Variants in ARB2A observed in about 807,000 individuals in gnomAD.
ARB2A encodes ARB2 cotranscriptional regulator A.
At chr5:93,929,700 T>G in the ARB2A span, among the ~76,000 whole-genome samples, 1 of 152,110 alleles carries the variant, frequency 6.6e-6, no homozygotes, top group African/African-American at 2.4e-5. Context: ...AGAAATAAAC[T>G]CTTTTAGGTA....
At chr5:94,073,313 A>G in the ARB2A span, among the ~76,000 whole-genome samples, 1 of 152,098 alleles carries the variant, frequency 6.6e-6, no homozygotes, top group African/African-American at 2.4e-5. Flanking sequence ...CAGCATTATT[A>G]TTCCTATAGT....
the ARB2A span, among the ~76,000 whole-genome samples, chr5:94,109,507 AAC>A: frequency 5.9e-5 from 9 of 152,356 alleles, no homozygotes; most frequent in African/African-American, 2.2e-4. Flanking sequence ...AGAGCACAGA[AAC>A]ATCTCTACAT....
the ARB2A span, among the ~76,000 whole-genome samples, chr5:93,669,485 AT>A: frequency 0.17 from 26,253 of 152,150 alleles, 2,645 homozygotes; most frequent in African/African-American, 0.25. Flanking sequence ...TTACTCAGCC[AT>A]TTAAAAAAAG....
chr5:94,099,778 T>C, the ARB2A span, among the ~76,000 whole-genome samples: 2 of 151,990 alleles, frequency 1.3e-5, no homozygotes, highest in East Asian at 3.9e-4. Flanking sequence ...AAACTAGGTA[T>C]TGAAGGAACA....
the ARB2A span, among the ~76,000 whole-genome samples, chr5:93,931,371 A>C: frequency 1.3e-5 from 2 of 152,090 alleles, no homozygotes; most frequent in South Asian, 4.1e-4. Flanking sequence ...GGCTAAGGCA[A>C]GAAAATCACT....
the ARB2A span, among the ~76,000 whole-genome samples, chr5:93,687,985 T>C: frequency 6.6e-6 from 1 of 152,032 alleles, no homozygotes; most frequent in African/African-American, 2.4e-5. Flanking sequence ...CTTTTTTTTT[T>C]TTCTTTGAGA....
chr5:94,031,863 A>G, the ARB2A span, among the ~76,000 whole-genome samples: 1 of 152,216 alleles, frequency 6.6e-6, no homozygotes, highest in African/African-American at 2.4e-5. Context: ...AGTACAAGCC[A>G]TAAACCTTTG....
chr5:93,892,963 T>C, the ARB2A span, among the ~76,000 whole-genome samples: 49 of 152,174 alleles, frequency 3.2e-4, no homozygotes, highest in Admixed American at 3.1e-3. Flanking sequence ...TTAAAAAATA[T>C]GGTTTTAATC....
At chr5:93,865,933 C>T in the ARB2A span, 1 of 985,382 alleles carries the variant, frequency 1.0e-6, no homozygotes, top group Non-Finnish European at 1.2e-6. Context: ...CATAAGGGCA[C>T]TCAGTGTATA....
At chr5:93,666,138 A>G in the ARB2A span, among the ~76,000 whole-genome samples, 2 of 152,236 alleles carry the variant, frequency 1.3e-5, no homozygotes, top group Admixed American at 6.5e-5. Context: ...AGTGTCATAC[A>G]AACTGAAATG....
At chr5:93,732,450 T>C in the ARB2A span, among the ~76,000 whole-genome samples, 1 of 152,190 alleles carries the variant, frequency 6.6e-6, no homozygotes, top group African/African-American at 2.4e-5. Context: ...GTTCTAAATA[T>C]GGGTTAACTA....
At chr5:94,013,834 A>C in the ARB2A span, among the ~76,000 whole-genome samples, 1 of 152,204 alleles carries the variant, frequency 6.6e-6, no homozygotes, top group African/African-American at 2.4e-5. Context: ...AGAATGAGAC[A>C]GTTCCCAGGG....
the ARB2A span, among the ~76,000 whole-genome samples, chr5:93,868,039 G>A: frequency 2.6e-3 from 396 of 152,298 alleles, 2 homozygotes; most frequent in South Asian, 0.012. Flanking sequence ...CAACTGAGAT[G>A]CTGGGCATGG....
chr5:94,090,784 T>C, the ARB2A span, among the ~76,000 whole-genome samples: 2 of 152,208 alleles, frequency 1.3e-5, no homozygotes, highest in African/African-American at 4.8e-5. Flanking sequence ...TGAGATAACA[T>C]GTGGTTTTTG....
chr5:93,665,709 T>C, the ARB2A span, among the ~76,000 whole-genome samples: 1 of 152,220 alleles, frequency 6.6e-6, no homozygotes, highest in African/African-American at 2.4e-5. Context: ...TAAATAATGA[T>C]AAGACATCAT....
the ARB2A span, among the ~76,000 whole-genome samples, chr5:94,065,718 A>G: frequency 6.6e-6 from 1 of 152,248 alleles, no homozygotes; most frequent in Non-Finnish European, 1.5e-5. Context: ...TGGAGCATAC[A>G]GACATATAAA....
At chr5:93,667,928 G>A in the ARB2A span, among the ~76,000 whole-genome samples, 6 of 152,238 alleles carry the variant, frequency 3.9e-5, no homozygotes, top group African/African-American at 1.4e-4. Flanking sequence ...ATAAAGTTTG[G>A]ATGTGAAGGA....
At chr5:94,028,260 A>G in the ARB2A span, among the ~76,000 whole-genome samples, 1 of 152,166 alleles carries the variant, frequency 6.6e-6, no homozygotes, top group Non-Finnish European at 1.5e-5. Flanking sequence ...CAAATCCAGT[A>G]AGACATGTGG....
At chr5:93,801,503 G>C in the ARB2A span, among the ~76,000 whole-genome samples, 2 of 152,064 alleles carry the variant, frequency 1.3e-5, no homozygotes, top group Non-Finnish European at 2.9e-5. Flanking sequence ...ATAAAAGCTA[G>C]AGAAAAGTTG....
Sources: allele counts gnomAD v4.1 joint callset (sites outside exome capture counted in the v4.1 genomes callset), GRCh38; gene constraint gnomAD v4.1.1; transcripts MANE v1.5; gene names NCBI Gene and HGNC (gene_info 2026-07-23, HGNC 2026-07-21).